The following MPPED1 variants were observed in gnomAD, a reference collection of about 807,000 sequenced individuals.
MPPED1 encodes metallophosphoesterase domain-containing protein 1.
A neutral mutation model predicts 36.2 loss-of-function variants in MPPED1; 16 were observed. The ratio of observed to expected loss-of-function variants is 0.44; its 90% CI spans 0.30 to 0.67. The LOEUF is 0.67. Ranked by LOEUF, MPPED1 falls within the 30% of genes least tolerant of loss-of-function variation. The pLI, the probability that MPPED1 is intolerant of heterozygous loss-of-function variation, is 0.10. For synonymous variants in MPPED1, 199 were observed against 191.3 expected, an observed-to-expected ratio of 1.04 and a Z score of -0.33; for missense variants, 307 against 453.4, an observed-to-expected ratio of 0.68 and a Z score of 2.93.
intron 3 of MPPED1, among the ~76,000 whole-genome samples, chr22:43,466,489 C>A (rs767661228): frequency 6.6e-6 from 1 of 152,178 alleles, no homozygotes; most frequent in Non-Finnish European, 1.5e-5. Flanking sequence ...TCCTGAATAG[C>A]CCCGAAATGC....
At chr22:43,500,331 G>A (rs868683928) in intron 5 of MPPED1, among the ~76,000 whole-genome samples, 105 of 117,308 alleles carry the variant, frequency 9.0e-4, no homozygotes, top group African/African-American at 2.7e-3. Context: ...GATGGTGGTG[G>A]TGGAGGTGGT....
At chr22:43,481,897 T>C (rs753272614) in intron 4 of MPPED1, among the ~76,000 whole-genome samples, 1 of 152,212 alleles carries the variant, frequency 6.6e-6, no homozygotes, top group South Asian at 2.1e-4. Context: ...GCCCTGCACT[T>C]ACCAAGCCTT....
intron 3 of MPPED1, among the ~76,000 whole-genome samples, chr22:43,466,710 C>T (rs1411305883): frequency 6.6e-6 from 1 of 152,170 alleles, no homozygotes; most frequent in African/African-American, 2.4e-5. Context: ...CTGATCACCC[C>T]AGGGGCAGTG....
intron 4 of MPPED1, among the ~76,000 whole-genome samples, chr22:43,495,312 T>G (rs1015215449): frequency 7.2e-6 from 1 of 138,958 alleles, no homozygotes; most frequent in Non-Finnish European, 1.5e-5. Flanking sequence ...ATGGTGGTGA[T>G]GGTGGTGGTG....
At chr22:43,429,566 G>C (rs146145977) in intron 2 of MPPED1, among the ~76,000 whole-genome samples, 1 of 152,220 alleles carries the variant, frequency 6.6e-6, no homozygotes, top group Non-Finnish European at 1.5e-5. Context: ...AGTCTTTCCC[G>C]CTCCAGCTCT....
intron 1 of MPPED1, chr22:43,418,190 G>C: frequency 2.2e-6 from 1 of 456,132 alleles, no homozygotes; most frequent in Non-Finnish European, 4.4e-6. Context: ...TTCCAAACGA[G>C]AGCACTTTCG....
At chr22:43,446,867 C>T (rs538772730) in intron 3 of MPPED1, among the ~76,000 whole-genome samples, 26 of 152,086 alleles carry the variant, frequency 1.7e-4, no homozygotes, top group Non-Finnish European at 3.4e-4. Context: ...CCAGAGATAC[C>T]GTGGGCAGCA....
At chr22:43,450,264 G>A (rs1012075725) in intron 3 of MPPED1, among the ~76,000 whole-genome samples, 1 of 152,240 alleles carries the variant, frequency 6.6e-6, no homozygotes, top group African/African-American at 2.4e-5. Context: ...CAGGGGAAAG[G>A]AATGGGCAGG....
At chr22:43,501,430 G>A (rs28608705) in intron 5 of MPPED1, among the ~76,000 whole-genome samples, 7,967 of 151,242 alleles carry the variant, frequency 0.053, 401 homozygotes, top group African/African-American at 0.13. Flanking sequence ...CTCCAAACAT[G>A]GTGTCGTTTG....
chr22:43,458,304 T>G (rs1198848878), intron 3 of MPPED1, among the ~76,000 whole-genome samples: 2 of 151,368 alleles, frequency 1.3e-5, no homozygotes, highest in African/African-American at 2.4e-5. Flanking sequence ...TTTTTTTTTT[T>G]GAGACAGAGT....
chr22:43,460,265 C>CG (rs959493488), intron 3 of MPPED1, among the ~76,000 whole-genome samples: 2 of 123,452 alleles, frequency 1.6e-5, no homozygotes, highest in African/African-American at 3.5e-5. Flanking sequence ...AAACCCAAAC[C>CG]CCCCCCCCCA....
Position 43,461,519 on chromosome 22 carries a change from C to T in MPPED1, c.407-13217C>T, listed in dbSNP as rs1168574177. Among the ~76,000 whole-genome samples, 5 of 152,088 alleles carry T rather than the reference C, an allele frequency of 3.3e-5. No homozygotes were observed. The East Asian group carries it at 5.8e-4, about 18-fold the overall frequency. On this transcript the variant is annotated intron_variant, in intron 3 of 6. Transcript: ENST00000443721. ...TGTTGTTGTTGACTTTGTGGAGGACCGTGTGCTCAAAGATCCTTAATCCTC... is the reference window on the plus strand; with the variant it reads ...TGTTGTTGTTGACTTTGTGGAGGACTGTGTGCTCAAAGATCCTTAATCCTC...
At chr22:43,432,542 A>AGG (rs1929751922) in intron 2 of MPPED1, among the ~76,000 whole-genome samples, 1 of 124,186 alleles carries the variant, frequency 8.1e-6, no homozygotes, top group Non-Finnish European at 1.7e-5. Context: ...AAGGGAGGAG[A>AGG]GAAAGAAAGG....
intron 2 of MPPED1, among the ~76,000 whole-genome samples, chr22:43,426,456 G>A (rs1056719913): frequency 3.3e-5 from 5 of 152,134 alleles, no homozygotes; most frequent in Non-Finnish European, 4.4e-5. Flanking sequence ...CAGACTGCCC[G>A]TGAGTCTGGT....
At chr22:43,482,952 G>A (rs190313012) in intron 4 of MPPED1, among the ~76,000 whole-genome samples, 2 of 152,234 alleles carry the variant, frequency 1.3e-5, no homozygotes, top group South Asian at 4.1e-4. Context: ...TGATGTGATT[G>A]CAGTGACAGT....
intron 4 of MPPED1, among the ~76,000 whole-genome samples, chr22:43,492,518 C>T (rs1337365434): frequency 2.0e-5 from 3 of 152,138 alleles, no homozygotes; most frequent in Non-Finnish European, 4.4e-5. Flanking sequence ...GTGGGCACTG[C>T]CTGTGGGTGG....
At chr22:43,475,115 G>T (rs1023315575) in intron 4 of MPPED1, among the ~76,000 whole-genome samples, 154 bp downstream of exon 4, 4 of 152,140 alleles carry the variant, frequency 2.6e-5, no homozygotes, top group African/African-American at 9.7e-5. Context: ...ACCTAGGCAG[G>T]TCACCGCTGC....
At position 43,444,881 on chromosome 22, in the gene MPPED1, ATAGT is replaced by A. The variant is rs1930281966; in HGVS notation, c.406+9668_406+9671del. 2.0e-5 allele frequency among the ~76,000 whole-genome samples: 3 copies of A among 152,152 alleles called. 1 individual carries two copies. Among genetic ancestry groups the A allele is most frequent in the Admixed American group, 1.3e-4 (2 of 15,266 alleles). On this transcript the variant is annotated intron_variant, in intron 3 of 6. Coordinates refer to ENST00000443721, the MANE Select transcript of MPPED1 (RefSeq NM_001044370.2). ...CTCATTTTGTGTCAAAGAGTTGGAG[ATAGT>A]TTATAAAAATGACAAAAATAGTAAA... is the stretch of plus-strand genomic sequence containing the variant.
chr22:43,453,370 T>A (rs1184966198), intron 3 of MPPED1, among the ~76,000 whole-genome samples: 1 of 151,666 alleles, frequency 6.6e-6, no homozygotes, highest in Admixed American at 6.6e-5. Context: ...AGAAGACACC[T>A]TTTACTCAGT....
Sources: gnomAD v4.1 joint callset for allele counts (sites outside exome capture counted in the v4.1 genomes callset) on GRCh38, gnomAD v4.1.1 for gene constraint, MANE v1.5 for transcripts, NCBI Gene and HGNC (gene_info 2026-07-23, HGNC 2026-07-21) for gene names.